CRIM1: variants seen among roughly 807,000 people sequenced by gnomAD.
CRIM1 encodes the protein cysteine-rich motor neuron 1 protein.
CRIM1 carries 32 observed loss-of-function variants against 116.4 expected under a neutral mutation model. That is an observed-to-expected ratio of 0.27 (90% confidence interval 0.21 to 0.37). The LOEUF (loss-of-function observed/expected upper bound fraction) is 0.37. Among genes scored for constraint, CRIM1 ranks in the 10% least tolerant of loss-of-function variants. The pLI, the probability that CRIM1 is intolerant of heterozygous loss-of-function variation, is 1.00. For synonymous variants in CRIM1, 590 were observed against 509.2 expected (o/e 1.16, Z -2.13); for missense variants, 1,331 against 1,354.8 (o/e 0.98, Z 0.28).
intron 2 of CRIM1, among the ~76,000 whole-genome samples, chr2:36,402,679 T>G (rs75700055): frequency 1.3e-5 from 2 of 151,088 alleles, no homozygotes; most frequent in South Asian, 4.2e-4. Context: ...ATGTAAGAGA[T>G]AATGGGGACT....
chr2:36,497,455 G>T (rs1364694986), intron 7 of CRIM1, among the ~76,000 whole-genome samples: 1 of 152,172 alleles, frequency 6.6e-6, no homozygotes, highest in Non-Finnish European at 1.5e-5. Flanking sequence ...AGTGATAAAA[G>T]AAAGACTAAT....
intron 2 of CRIM1, among the ~76,000 whole-genome samples, chr2:36,426,411 C>G (rs1336835158): frequency 6.6e-6 from 1 of 152,118 alleles, no homozygotes; most frequent in Non-Finnish European, 1.5e-5. Flanking sequence ...CAAGTAAAAT[C>G]CCTAGCATGT....
intron 2 of CRIM1, among the ~76,000 whole-genome samples, 179 bp downstream of exon 2, chr2:36,396,966 G>A (rs200883662): frequency 6.6e-6 from 1 of 152,198 alleles, no homozygotes; most frequent in East Asian, 1.9e-4. Context: ...GTGTTTCCGA[G>A]ACGCTATGGA....
intron 4 of CRIM1, among the ~76,000 whole-genome samples, chr2:36,459,584 C>T (rs1349079982): frequency 6.6e-6 from 1 of 152,090 alleles, no homozygotes; most frequent in African/African-American, 2.4e-5. Context: ...GAGTTACTAC[C>T]GTTACGTACT....
At chr2:36,470,666 C>T (rs534619412) in intron 5 of CRIM1, among the ~76,000 whole-genome samples, 1 of 152,304 alleles carries the variant, frequency 6.6e-6, no homozygotes, top group Admixed American at 6.5e-5. Flanking sequence ...TGACAATGCA[C>T]CTGGTCTCCC....
intron 1 of CRIM1, among the ~76,000 whole-genome samples, chr2:36,376,983 G>A (rs1670369686): frequency 6.6e-6 from 1 of 152,168 alleles, no homozygotes; most frequent in Non-Finnish European, 1.5e-5. Context: ...CCTGAGCTCT[G>A]TCTTTTGTCT....
At chr2:36,528,840 A>G (rs1019418106) in intron 13 of CRIM1, among the ~76,000 whole-genome samples, 14 of 152,214 alleles carry the variant, frequency 9.2e-5, no homozygotes, top group African/African-American at 3.4e-4. Flanking sequence ...TATCACAACA[A>G]AAATAAGCAG....
At chr2:36,392,975 C>T (rs1309448828) in intron 1 of CRIM1, among the ~76,000 whole-genome samples, 1 of 152,206 alleles carries the variant, frequency 6.6e-6, no homozygotes, top group Non-Finnish European at 1.5e-5. Flanking sequence ...CTGCTGCTGC[C>T]AGGAAACTTC....
At chr2:36,358,557 T>C (rs1669009064) in intron 1 of CRIM1, among the ~76,000 whole-genome samples, 2 of 152,238 alleles carry the variant, frequency 1.3e-5, no homozygotes, top group African/African-American at 4.8e-5. Flanking sequence ...AGAGTTATTT[T>C]GGCAGTTTCG....
At chr2:36,479,462 G>T (rs957206680) in intron 6 of CRIM1, 35 bp from the exon 7 acceptor site, 3 of 1,598,576 alleles carry the variant, frequency 1.9e-6, no homozygotes, top group Non-Finnish European at 2.6e-6. Flanking sequence ...TTTAGAAGAT[G>T]CTCAGTCTAA....
At chr2:36,463,991 A>C (rs923336003) in intron 4 of CRIM1, among the ~76,000 whole-genome samples, 2 of 152,232 alleles carry the variant, frequency 1.3e-5, no homozygotes, top group Admixed American at 6.5e-5. Flanking sequence ...ATATTGCTCA[A>C]GATGAGAGTG....
At chr2:36,411,052 T>C (rs921913033) in intron 2 of CRIM1, among the ~76,000 whole-genome samples, 16 of 152,186 alleles carry the variant, frequency 1.1e-4, no homozygotes, top group African/African-American at 3.9e-4. Context: ...TAAATAAATA[T>C]CTTGCATATA....
At position 36,545,447 on chromosome 2, in the gene CRIM1, A is replaced by G. The variant is rs138231746; in HGVS notation, c.2746+949A>G. The stretch of plus-strand genomic sequence containing the variant: ...TAGACTTCAACATACTGTAAGTACG[A>G]CTATTCTTATGACTGAAGACCTGTG... On this transcript the variant is annotated intron_variant, in intron 15 of 16. Coordinates refer to ENST00000280527, the MANE Select transcript of CRIM1 (RefSeq NM_016441.3). Among the ~76,000 whole-genome samples, 394 of 152,276 alleles carry G rather than the reference A, an allele frequency of 2.6e-3. 2 individuals are homozygous for G. The highest frequency in any genetic ancestry group is 9.2e-3 in the African/African-American group (381 of 41,562).
intron 1 of CRIM1, among the ~76,000 whole-genome samples, chr2:36,366,694 CAG>C (rs1012935670): frequency 3.9e-5 from 6 of 152,214 alleles, no homozygotes; most frequent in African/African-American, 1.4e-4. Context: ...CCTGAGACTG[CAG>C]AGTCCCAGTC....
intron 4 of CRIM1, among the ~76,000 whole-genome samples, chr2:36,462,950 C>T (rs3770866): frequency 0.22 from 32,800 of 152,112 alleles, 3,625 homozygotes; most frequent in East Asian, 0.37. Context: ...AAATGATTGT[C>T]CTGCAGGAAT....
intron 7 of CRIM1, among the ~76,000 whole-genome samples, chr2:36,480,675 G>A (rs1412068723): frequency 3.3e-5 from 5 of 152,036 alleles, no homozygotes; most frequent in African/African-American, 1.2e-4. Context: ...AGCCTCTGAG[G>A]GGCTAGACTT....
intron 7 of CRIM1, among the ~76,000 whole-genome samples, chr2:36,494,750 T>G (rs1407287580): frequency 6.6e-6 from 1 of 152,176 alleles, no homozygotes; most frequent in African/African-American, 2.4e-5. Flanking sequence ...TTAGAATTCT[T>G]CTCCACAAGG....
At chr2:36,397,984 AC>A (rs1380770341) in intron 2 of CRIM1, among the ~76,000 whole-genome samples, 1 of 152,140 alleles carries the variant, frequency 6.6e-6, no homozygotes, top group African/African-American at 2.4e-5. Context: ...CATGACTTAA[AC>A]AATGCCATGG....
chr2:36,356,442 C>T lies in CRIM1; in HGVS notation c.150C>T (p.Asn50=). Residue 50 remains asparagine (N), a synonymous_variant, in exon 1 of 17, where the codon AAC becomes AAT. Transcript: ENST00000280527. The surrounding 1 kb of genome is among the most constrained non-coding windows in gnomAD (Gnocchi z 4.3). ...CDESKCEEPR[N]CPGSIVQGVC... ...AGTCCAAGTGCGAGGAGCCCAGGAA[C>T]TGCCCGGGGAGCATCGTGCAGGGCG... The T allele has an allele frequency of 6.2e-7, 1 of 1,612,052 alleles. No homozygotes were observed. Among genetic ancestry groups the T allele is most frequent in the Non-Finnish European group, 8.5e-7 (1 of 1,179,752 alleles).
Sources: allele counts gnomAD v4.1 joint callset (sites outside exome capture counted in the v4.1 genomes callset), GRCh38; gene constraint gnomAD v4.1.1; non-coding constraint Gnocchi (gnomAD v3.1); transcripts MANE v1.5; gene names NCBI Gene and HGNC (gene_info 2026-07-23, HGNC 2026-07-21).